Variants in SV2C observed in about 807,000 individuals in gnomAD.
SV2C encodes synaptic vesicle glycoprotein 2C, also known as solute carrier family 22 member B3.
A neutral mutation model predicts 79.7 loss-of-function variants in SV2C; 49 were observed. That is an observed-to-expected ratio of 0.61 (90% CI 0.49 to 0.78). The LOEUF is 0.78. SV2C is among the 30% of genes least tolerant of loss of function. The probability of loss-of-function intolerance (pLI) is 0.00; values close to 1 mark genes in which losing one functional copy is unlikely to be tolerated. For synonymous variants in SV2C, 334 were observed against 333.2 expected, an observed-to-expected ratio of 1.00 and a Z score of -0.03; for missense variants, 833 against 912.9, an observed-to-expected ratio of 0.91 and a Z score of 1.13.
intron 12 of SV2C, among the ~76,000 whole-genome samples, chr5:76,347,452 G>GTTT (rs1749565287): frequency 9.7e-6 from 1 of 102,628 alleles, no homozygotes; most frequent in African/African-American, 6.5e-5. Flanking sequence ...TTGTTTTTTT[G>GTTT]TTGTTGTTTT....
intron 4 of SV2C, among the ~76,000 whole-genome samples, chr5:76,284,809 A>G (rs1037575340): frequency 2.0e-5 from 3 of 152,262 alleles, no homozygotes; most frequent in African/African-American, 7.2e-5. Flanking sequence ...AGCACACAGC[A>G]GAGTGGGAAA....
chr5:76,144,179 C>T (rs1218030566), intron 2 of SV2C, among the ~76,000 whole-genome samples: 1 of 152,146 alleles, frequency 6.6e-6, no homozygotes, highest in East Asian at 1.9e-4. Flanking sequence ...TGTTCCTATG[C>T]ATTTAGGAAT....
chr5:75,978,990 AAAT>A, the SV2C span, among the ~76,000 whole-genome samples: 1 of 152,280 alleles, frequency 6.6e-6, no homozygotes, highest in South Asian at 2.1e-4. Flanking sequence ...TCAAGAAAAA[AAAT>A]AAAAATGCAA....
At chr5:76,344,259 G>T (rs1428162564) in intron 12 of SV2C, among the ~76,000 whole-genome samples, 5 of 152,154 alleles carry the variant, frequency 3.3e-5, no homozygotes, top group African/African-American at 1.2e-4. Flanking sequence ...TTCAGAAAAG[G>T]CAGCTTGCCC....
At chr5:75,873,953 C>CT in the SV2C span, among the ~76,000 whole-genome samples, 10 of 152,192 alleles carry the variant, frequency 6.6e-5, no homozygotes, top group Non-Finnish European at 1.2e-4. Context: ...CTGATGGATT[C>CT]ACAGCCGAAT....
chr5:75,877,856 T>A, the SV2C span, among the ~76,000 whole-genome samples: 4 of 150,150 alleles, frequency 2.7e-5, no homozygotes, highest in Non-Finnish European at 5.9e-5. Flanking sequence ...GACTTTTTAA[T>A]CAAAATGAGA....
intron 12 of SV2C, among the ~76,000 whole-genome samples, chr5:76,309,179 T>C (rs1207779881): frequency 6.6e-6 from 1 of 152,176 alleles, no homozygotes; most frequent in African/African-American, 2.4e-5. Context: ...TCTTTCACAT[T>C]GCCTTATTGT....
the SV2C span, among the ~76,000 whole-genome samples, chr5:76,035,731 G>T: frequency 6.6e-6 from 1 of 152,132 alleles, no homozygotes; most frequent in Non-Finnish European, 1.5e-5. Flanking sequence ...TGTTGATTTG[G>T]GGTGGAGAGT....
At chr5:76,102,533 G>A (rs889852442) in intron 1 of SV2C, among the ~76,000 whole-genome samples, 1 of 152,182 alleles carries the variant, frequency 6.6e-6, no homozygotes, top group Non-Finnish European at 1.5e-5. Flanking sequence ...GAACCCAGGA[G>A]GTGACACAGG....
At chr5:75,988,779 G>T in the SV2C span, among the ~76,000 whole-genome samples, 3 of 151,904 alleles carry the variant, frequency 2.0e-5, no homozygotes, top group African/African-American at 7.2e-5. Context: ...AGGCAATTAA[G>T]AAGCAGCAAA....
upstream of SV2C, among the ~76,000 whole-genome samples, chr5:76,080,678 GTTTT>G (rs574195700): frequency 1.2e-3 from 182 of 152,278 alleles, 2 homozygotes; most frequent in African/African-American, 4.0e-3. Flanking sequence ...TTCACAGCTT[GTTTT>G]TTAGCATCAC....
At chr5:76,323,314 T>A (rs747882505) in intron 12 of SV2C, among the ~76,000 whole-genome samples, 1 of 152,050 alleles carries the variant, frequency 6.6e-6, no homozygotes, top group Admixed American at 6.5e-5. Context: ...CATAGAGAAA[T>A]GAAAATCAAA....
the SV2C span, among the ~76,000 whole-genome samples, chr5:75,892,801 A>G: frequency 2.8e-3 from 432 of 152,032 alleles, 10 homozygotes; most frequent in East Asian, 0.035. Context: ...CCATGTATCA[A>G]GTGTTCTTTA....
chr5:76,273,379 T>C (rs181612170), intron 4 of SV2C, among the ~76,000 whole-genome samples: 9 of 152,160 alleles, frequency 5.9e-5, no homozygotes, highest in African/African-American at 1.9e-4. Context: ...GGAAGCACCA[T>C]GCTTGAGTCA....
chr5:75,973,192 G>A, the SV2C span, among the ~76,000 whole-genome samples: 9 of 151,872 alleles, frequency 5.9e-5, no homozygotes, highest in Non-Finnish European at 1.0e-4. Context: ...GGGGAAGGGG[G>A]GAGGGATAGC....
At chr5:76,135,363 CAACA>C (rs1479108241) in intron 2 of SV2C, among the ~76,000 whole-genome samples, 5 of 152,128 alleles carry the variant, frequency 3.3e-5, no homozygotes, top group Non-Finnish European at 7.3e-5. Context: ...TTGTTTAAGA[CAACA>C]CTGCCAATGA....
At chr5:76,100,849 G>A (rs1046008639) in intron 1 of SV2C, among the ~76,000 whole-genome samples, 3 of 152,300 alleles carry the variant, frequency 2.0e-5, no homozygotes, top group East Asian at 3.9e-4. Flanking sequence ...CCTGTGCATC[G>A]TAAGATGGCT....
chr5:76,312,263 T>TTG (rs1561311871), intron 12 of SV2C, among the ~76,000 whole-genome samples: 1 of 144,840 alleles, frequency 6.9e-6, no homozygotes, highest in Non-Finnish European at 1.5e-5. Context: ...TTTTTTTTTT[T>TTG]GGGGGGGGGG....
the SV2C span, among the ~76,000 whole-genome samples, chr5:75,953,890 A>T: frequency 6.6e-6 from 1 of 151,834 alleles, no homozygotes; most frequent in Non-Finnish European, 1.5e-5. Flanking sequence ...CTCCTATACC[A>T]GTGTTTCCTG....
Sources: gnomAD v4.1 joint callset for allele counts (sites outside exome capture counted in the v4.1 genomes callset) on GRCh38, gnomAD v4.1.1 for gene constraint, MANE v1.5 for transcripts, NCBI Gene and HGNC (gene_info 2026-07-23, HGNC 2026-07-21) for gene names.